WWOX: variants seen among roughly 807,000 people sequenced by gnomAD.
The protein encoded by WWOX is WW domain containing oxidoreductase, also known as WW domain-containing oxidoreductase.
A neutral mutation model predicts 46.2 loss-of-function variants in WWOX; 69 were observed. That is an observed-to-expected ratio of 1.49 (90% CI 1.23 to 1.82). WWOX has a LOEUF of 1.82. WWOX is among the 40% of genes most tolerant of loss of function. The pLI, the probability that WWOX is intolerant of heterozygous loss-of-function variation, is 0.00. For missense variants in WWOX, 919 were observed against 542.6 expected (o/e 1.69, Z -6.89); for synonymous variants, 359 against 202.6 (o/e 1.77, Z -6.56).
At chr16:78,283,372 G>A (rs1407769370) in intron 5 of WWOX, among the ~76,000 whole-genome samples, 4 of 152,056 alleles carry the variant, frequency 2.6e-5, no homozygotes, top group East Asian at 1.9e-4. Flanking sequence ...CTTTCATCCC[G>A]CCCTCGGCCT....
intron 4 of WWOX, among the ~76,000 whole-genome samples, chr16:78,144,429 C>CTATATATATATATATA (rs1231079672): frequency 0.19 from 2,877 of 15,326 alleles, 597 homozygotes; most frequent in Middle Eastern, 0.36. Context: ...TTTGCCATTA[C>CTATATATATATATATA]TATATATATA....
chr16:78,764,623 G>T (rs1283517318), intron 8 of WWOX, among the ~76,000 whole-genome samples: 1 of 146,046 alleles, frequency 6.8e-6, no homozygotes, highest in African/African-American at 2.5e-5. Context: ...TGCTGCTATG[G>T]TTTGATTCCT....
intron 8 of WWOX, among the ~76,000 whole-genome samples, chr16:78,441,312 G>T (rs11862667): frequency 0.064 from 9,797 of 152,184 alleles, 487 homozygotes; most frequent in South Asian, 0.15. Context: ...TACCGTAAAT[G>T]TTCTGTAAAT....
chr16:78,922,099 G>C (rs753233119), intron 8 of WWOX, among the ~76,000 whole-genome samples: 1 of 152,180 alleles, frequency 6.6e-6, no homozygotes, highest in South Asian at 2.1e-4. Flanking sequence ...CTGAGCCTCT[G>C]TGTTCAGAGT....
intron 8 of WWOX, among the ~76,000 whole-genome samples, chr16:78,864,348 C>T (rs916788431): frequency 6.6e-6 from 1 of 151,666 alleles, no homozygotes; most frequent in African/African-American, 2.4e-5. Flanking sequence ...TTCACTGCAG[C>T]CTCGATCTCC....
At chr16:78,811,028 A>C (rs570891882) in intron 8 of WWOX, among the ~76,000 whole-genome samples, 6 of 152,160 alleles carry the variant, frequency 3.9e-5, no homozygotes, top group Non-Finnish European at 7.3e-5. Context: ...CTTGCACTGT[A>C]TTTCAGAGGT....
intron 8 of WWOX, among the ~76,000 whole-genome samples, chr16:78,675,866 C>T (rs961644258): frequency 1.3e-5 from 2 of 151,940 alleles, no homozygotes; most frequent in East Asian, 1.9e-4. Context: ...CTTTTCTGAT[C>T]ATACCTGTGG....
intron 5 of WWOX, among the ~76,000 whole-genome samples, chr16:78,250,110 C>G (rs1198337774): frequency 6.6e-6 from 1 of 152,226 alleles, no homozygotes; most frequent in Non-Finnish European, 1.5e-5. Flanking sequence ...TGGCAGCTGA[C>G]TGGCCCTCTC....
intron 5 of WWOX, among the ~76,000 whole-genome samples, chr16:78,315,399 A>T (rs188175118): frequency 2.2e-4 from 34 of 152,354 alleles, no homozygotes; most frequent in African/African-American, 7.9e-4. Context: ...CTGTAATCCC[A>T]GCACTTGGGG....
intron 5 of WWOX, among the ~76,000 whole-genome samples, chr16:78,352,248 CTG>C (rs995424686): frequency 2.0e-5 from 3 of 152,212 alleles, no homozygotes; most frequent in Admixed American, 1.3e-4. Flanking sequence ...TGTTACATAA[CTG>C]TATTTTGTTT....
intron 8 of WWOX, among the ~76,000 whole-genome samples, chr16:79,102,057 G>A: frequency 7.8e-6 from 1 of 128,490 alleles, no homozygotes; most frequent in South Asian, 3.3e-4. Flanking sequence ...AGGGAGTAGG[G>A]GGGAGGGGGG....
intron 8 of WWOX, chr16:78,691,248 G>A (rs574735371): frequency 5.7e-6 from 4 of 702,246 alleles, no homozygotes; most frequent in East Asian, 2.7e-5. Flanking sequence ...CCAGGTTTCA[G>A]ACTGCCTGGT....
At chr16:78,932,124 C>G (rs1431049654) in intron 8 of WWOX, among the ~76,000 whole-genome samples, 1 of 152,220 alleles carries the variant, frequency 6.6e-6, no homozygotes, top group African/African-American at 2.4e-5. Context: ...TTATTAGCAG[C>G]ATGAGAACAA....
In WWOX at chr16:78,842,494, C is replaced by T. The variant is rs571657937; in HGVS notation, c.1057-369114C>T. ...CTTCAACCTGGGTGAAAAAGTGACA[C>T]CCTGTTTCGAAAAAGAAAACAAAAA... is the stretch of plus-strand genomic sequence containing the variant. On this transcript the variant is annotated intron_variant, in intron 8 of 8. Transcript: ENST00000566780. Among the ~76,000 whole-genome samples the T allele has an allele frequency of 1.1e-3, 101 of 95,878 alleles. 1 individual carries two copies. The Middle Eastern group carries it at 0.024, about 22-fold the overall frequency. The allele number at this position is 95,878 out of a possible 152,430, so 62.9% of individuals were successfully genotyped here. A position where few individuals can be genotyped will look rare whatever the true frequency, so the allele number is the denominator to read the frequency against.
At chr16:79,014,486 G>C (rs1485689523) in intron 8 of WWOX, among the ~76,000 whole-genome samples, 1 of 152,132 alleles carries the variant, frequency 6.6e-6, no homozygotes, top group Non-Finnish European at 1.5e-5. Context: ...GCTACATTCA[G>C]TTCAGGGAAA....
chr16:78,208,665 T>G (rs1223581374), intron 5 of WWOX, among the ~76,000 whole-genome samples: 17 of 152,226 alleles, frequency 1.1e-4, no homozygotes, highest in Admixed American at 1.1e-3. Flanking sequence ...ACACTCCATT[T>G]ACTGTGTGCT....
chr16:78,382,728 A>C (rs2081981109), intron 5 of WWOX, among the ~76,000 whole-genome samples: 1 of 152,158 alleles, frequency 6.6e-6, no homozygotes, highest in South Asian at 2.1e-4. Flanking sequence ...GTGGTGATGG[A>C]ACAGTTCTAT....
intron 8 of WWOX, among the ~76,000 whole-genome samples, chr16:79,174,547 CT>C (rs1205278426): frequency 5.3e-5 from 8 of 152,174 alleles, no homozygotes; most frequent in African/African-American, 1.9e-4. Context: ...TACTCTGGGC[CT>C]GAGGCAGGAA....
intron 8 of WWOX, among the ~76,000 whole-genome samples, chr16:79,076,126 C>A (rs1479847150): frequency 6.6e-6 from 1 of 152,140 alleles, no homozygotes; most frequent in African/African-American, 2.4e-5. Context: ...GTAAGACCAG[C>A]CTACGCTGAG....
Sources: allele counts gnomAD v4.1 joint callset (sites outside exome capture counted in the v4.1 genomes callset), GRCh38; gene constraint gnomAD v4.1.1; transcripts MANE v1.5; gene names NCBI Gene and HGNC (gene_info 2026-07-23, HGNC 2026-07-21).